The following RNF43 variants were observed in gnomAD, a reference collection of about 807,000 sequenced individuals.
RNF43 encodes ring finger protein 43, also known as E3 ubiquitin-protein ligase RNF43.
In RNF43, 37 loss-of-function variants were observed where a neutral mutation model predicts 78.4. The ratio of observed to expected loss-of-function variants is 0.47; its 90% CI spans 0.36 to 0.62. The LOEUF (loss-of-function observed/expected upper bound fraction) is 0.62. RNF43 is among the 20% of genes least tolerant of loss of function. The probability of loss-of-function intolerance (pLI) is 0.00; values close to 1 mark genes in which losing one functional copy is unlikely to be tolerated. For synonymous variants in RNF43, 347 were observed against 395.0 expected (o/e 0.88, Z 1.44); for missense variants, 774 against 1,007.9 (o/e 0.77, Z 3.14).
chr17:58,358,867 C>G lies in RNF43; in HGVS notation c.953-44G>C, dbSNP rs766941726. 2.8e-6 allele frequency: 4 copies of G among 1,438,850 alleles called. No homozygotes were observed. Among genetic ancestry groups the G allele is most frequent in the Admixed American group, 2.8e-5 (1 of 35,134 alleles). The allele number at this position is 1,438,850 out of a possible 1,614,324, so 89.1% of individuals were successfully genotyped here. ...AGCACAGATGTTTAACTCTACAAAC[C>G]TACAGAGAATGCATTCAGAAAGACA... On this transcript the variant is annotated intron_variant, in intron 8 of 9. Coordinates refer to ENST00000407977, the MANE Select transcript of RNF43 (RefSeq NM_017763.6). The surrounding 1 kb of genome is among the most constrained non-coding windows in gnomAD (Gnocchi z 6.2).
intron 3 of RNF43, among the ~76,000 whole-genome samples, chr17:58,366,022 GTA>G (rs1972941791): frequency 6.6e-6 from 1 of 152,174 alleles, no homozygotes; most frequent in African/African-American, 2.4e-5. Flanking sequence ...AAGAGTCCCT[GTA>G]TATCTTCTGC....
At chr17:58,379,594 T>G (rs1269476877) in intron 2 of RNF43, among the ~76,000 whole-genome samples, 1 of 152,174 alleles carries the variant, frequency 6.6e-6, no homozygotes, top group Non-Finnish European at 1.5e-5. Flanking sequence ...GTGCTGGAGC[T>G]CCATGATGCA....
Position 58,354,748 on chromosome 17 carries a change from G to T in RNF43, c.*195C>A. 2 of 611,918 alleles carry T rather than the reference G, an allele frequency of 3.3e-6. No homozygotes were observed. Among genetic ancestry groups the T allele is most frequent in the Non-Finnish European group, 5.9e-6 (2 of 336,356 alleles). The allele number at this position is 611,918 out of a possible 1,614,324, so 37.9% of individuals were successfully genotyped here. ...CACTGCAGATGTTTTCTGCAGACAA[G>T]GTCTGGAGCTGGAGCAGGAAACGGC... On this transcript the variant is annotated 3_prime_UTR_variant, in exon 10 of 10. Transcript: ENST00000407977.
intron 2 of RNF43, 47 bp downstream of exon 2, chr17:58,415,279 C>T (rs970203816): frequency 6.3e-7 from 1 of 1,595,556 alleles, no homozygotes; most frequent in Non-Finnish European, 8.6e-7. Context: ...AGAAGAAAGA[C>T]ATATTTCAAA....
chr17:58,367,157 C>T (rs561882676), intron 3 of RNF43, among the ~76,000 whole-genome samples: 8 of 151,998 alleles, frequency 5.3e-5, no homozygotes, highest in Non-Finnish European at 1.2e-4. Flanking sequence ...CGTGCCACCA[C>T]GCCTGGCTAA....
At chr17:58,390,616 G>A (rs1410258598) in intron 2 of RNF43, among the ~76,000 whole-genome samples, 1 of 152,198 alleles carries the variant, frequency 6.6e-6, no homozygotes, top group African/African-American at 2.4e-5. Context: ...AGGGTCTTCT[G>A]AAATTAAGAT....
At chr17:58,409,072 CAGT>C (rs1973972561) in intron 2 of RNF43, among the ~76,000 whole-genome samples, 1 of 152,184 alleles carries the variant, frequency 6.6e-6, no homozygotes, top group Non-Finnish European at 1.5e-5. Context: ...GATTTCCACT[CAGT>C]AGAACTGACC....
intron 2 of RNF43, among the ~76,000 whole-genome samples, chr17:58,387,330 T>A (rs1973459371): frequency 6.6e-6 from 1 of 152,064 alleles, no homozygotes; most frequent in Non-Finnish European, 1.5e-5. Flanking sequence ...TGAGAACATA[T>A]TTGTCTTAGA....
chr17:58,409,184 T>C (rs1309338175), intron 2 of RNF43, among the ~76,000 whole-genome samples: 3 of 152,222 alleles, frequency 2.0e-5, no homozygotes, highest in Admixed American at 1.3e-4. Context: ...TGTTCTTAGA[T>C]GATTTACTTT....
chr17:58,410,873 C>T (rs187752505), intron 2 of RNF43, among the ~76,000 whole-genome samples: 1 of 152,118 alleles, frequency 6.6e-6, no homozygotes, highest in African/African-American at 2.4e-5. Flanking sequence ...CACTTTCATT[C>T]CTTTCTACTC....
chr17:58,414,926 C>G (rs1974093540), intron 2 of RNF43, among the ~76,000 whole-genome samples: 1 of 152,088 alleles, frequency 6.6e-6, no homozygotes, highest in East Asian at 1.9e-4. Flanking sequence ...TGCTGCTGAC[C>G]ATTAAAATCA....
Position 58,353,858 on chromosome 17 carries a change from A to C in RNF43, c.*1085T>G. 1 of 189,080 alleles carries C rather than the reference A, an allele frequency of 5.3e-6. No homozygotes were observed. Among genetic ancestry groups the C allele is most frequent in the East Asian group, 8.4e-5 (1 of 11,838 alleles). 11.7% of individuals were successfully genotyped at this position (189,080 alleles called of 1,614,324 possible). A position where few individuals can be genotyped will look rare whatever the true frequency, so the allele number is the denominator to read the frequency against. ...CTTTGCCACCACATTCACATTCCAA[A>C]TGGGATAATGCCTGAGGGGCCAAGA... On this transcript the variant is annotated 3_prime_UTR_variant, in exon 10 of 10. Transcript: ENST00000407977.
At position 58,358,850 on chromosome 17, in the gene RNF43, T is replaced by C; in HGVS notation, c.953-27A>G. 6.8e-7 allele frequency: 1 copy of C among 1,465,690 alleles called. No individual in the cohort carries two copies. The highest frequency in any genetic ancestry group is 9.0e-7 in the Non-Finnish European group (1 of 1,112,674). The allele number at this position is 1,465,690 out of a possible 1,614,324, so 90.8% of individuals were successfully genotyped here. A position where few individuals can be genotyped will look rare whatever the true frequency, so the allele number is the denominator to read the frequency against. ...TGGAAAAAAGAACCAAGAGCACAGA[T>C]GTTTAACTCTACAAACCTACAGAGA... On this transcript the variant is annotated intron_variant, in intron 8 of 9. Coordinates refer to ENST00000407977, the MANE Select transcript of RNF43 (RefSeq NM_017763.6). This position sits in a 1 kb window ranked among gnomAD's most constrained non-coding sequence, Gnocchi z 6.2.
At position 58,395,387 on chromosome 17, in the gene RNF43, C is replaced by A. The variant is rs117355000; in HGVS notation, c.252+19939G>T. Among the ~76,000 whole-genome samples, 794 of 152,316 alleles carry A rather than the reference C, an allele frequency of 5.2e-3. 5 individuals carry two copies. Among genetic ancestry groups the A allele is most frequent in the South Asian group, 0.013 (63 of 4,818 alleles). On this transcript the variant is annotated intron_variant, in intron 2 of 9. Coordinates refer to ENST00000407977, the MANE Select transcript of RNF43 (RefSeq NM_017763.6). ...CTGATCAGAGATCTGGTTCCATAGTCAGATGCATCCAAATCCACTACCACA... is the reference window on the plus strand; with the variant it reads ...CTGATCAGAGATCTGGTTCCATAGTAAGATGCATCCAAATCCACTACCACA...
intron 2 of RNF43, among the ~76,000 whole-genome samples, chr17:58,383,667 G>C (rs1973369809): frequency 6.6e-6 from 1 of 152,070 alleles, no homozygotes; most frequent in African/African-American, 2.4e-5. Flanking sequence ...GCCCAGGCTG[G>C]AGTGCAATGG....
chr17:58,403,028 GTTTA>G (rs1411200534), intron 2 of RNF43, among the ~76,000 whole-genome samples: 1 of 152,148 alleles, frequency 6.6e-6, no homozygotes, highest in Non-Finnish European at 1.5e-5. Flanking sequence ...GTTGTTTCGA[GTTTA>G]TTAGTAGTGT....
chr17:58,372,246 T>C (rs1208120987), intron 2 of RNF43, among the ~76,000 whole-genome samples: 1 of 152,234 alleles, frequency 6.6e-6, no homozygotes, highest in Non-Finnish European at 1.5e-5. Context: ...CCTCTCACTG[T>C]GTCACCGCGG....
chr17:58,392,204 C>A (rs1973574973), intron 2 of RNF43, among the ~76,000 whole-genome samples: 1 of 152,146 alleles, frequency 6.6e-6, no homozygotes, highest in Admixed American at 6.5e-5. Context: ...TAGGAAACTT[C>A]AAAAATAATA....
rs1233743427 is a variant in RNF43, at chr17:58,357,469, A to G, written c.2307T>C (p.Pro769=). 6.2e-7 allele frequency: 1 copy of G among 1,614,170 alleles called. No homozygotes were observed. The highest frequency in any genetic ancestry group is 1.7e-5 in the Admixed American group (1 of 60,020). Reference sequence around the variant, plus strand: ...ACCCACTTCCCTCTGAAAACTCACCAGGCTGGGCCGACAGCACCTGGCAGT... The same window carrying G: ...ACCCACTTCCCTCTGAAAACTCACCGGGCTGGGCCGACAGCACCTGGCAGT... The part of the protein sequence containing the change: ...YPHCQVLSAQ[P]GSEEELEELC... Residue 769 remains proline, a splice_region_variant and synonymous_variant, in exon 9 of 10, where the codon CCT becomes CCC. Coordinates refer to ENST00000407977, the MANE Select transcript of RNF43 (RefSeq NM_017763.6). The surrounding 1 kb of genome is among the most constrained non-coding windows in gnomAD (Gnocchi z 4.5).
Sources: gnomAD v4.1 joint callset for allele counts (sites outside exome capture counted in the v4.1 genomes callset) on GRCh38, gnomAD v4.1.1 for gene constraint, Gnocchi (gnomAD v3.1) non-coding constraint, MANE v1.5 for transcripts, NCBI Gene and HGNC (gene_info 2026-07-23, HGNC 2026-07-21) for gene names.